Variants in SEZ6L observed in about 807,000 individuals in gnomAD.
SEZ6L encodes the protein seizure related 6 homolog like, also known as seizure 6-like protein.
A neutral mutation model predicts 106.2 loss-of-function variants in SEZ6L; 37 were observed. The observed-to-expected ratio is 0.35, with a 90% CI of 0.27 to 0.46. SEZ6L has a LOEUF of 0.46. Among genes scored for constraint, SEZ6L ranks in the 20% least tolerant of loss-of-function variants. SEZ6L has a pLI of 1.00. For synonymous variants in SEZ6L, 541 were observed against 570.4 expected (o/e 0.95, Z 0.73); for missense variants, 1,172 against 1,332.8 (o/e 0.88, Z 1.88).
intron 9 of SEZ6L, among the ~76,000 whole-genome samples, chr22:26,320,678 T>C (rs1169228601): frequency 6.6e-6 from 1 of 152,148 alleles, no homozygotes; most frequent in African/African-American, 2.4e-5. Context: ...AATACAGCAC[T>C]CTGGGGGCCC....
intron 9 of SEZ6L, among the ~76,000 whole-genome samples, chr22:26,317,138 A>G (rs2082028862): frequency 6.6e-6 from 1 of 152,140 alleles, no homozygotes; most frequent in Admixed American, 6.5e-5. Context: ...GAGGGAATGG[A>G]TCAAAGGGAA....
chr22:26,297,553 A>C (rs1031727584), intron 4 of SEZ6L, among the ~76,000 whole-genome samples: 1 of 152,204 alleles, frequency 6.6e-6, no homozygotes, highest in East Asian at 1.9e-4. Context: ...GCTTTCCTTC[A>C]TTCAAGTTCA....
At chr22:26,273,918 T>A (rs2033132070) in intron 1 of SEZ6L, among the ~76,000 whole-genome samples, 1 of 152,154 alleles carries the variant, frequency 6.6e-6, no homozygotes, top group African/African-American at 2.4e-5. Flanking sequence ...TCAGCAGGTG[T>A]AGACCTGGCG....
At chr22:26,301,663 A>G (rs1389862402) in intron 5 of SEZ6L, among the ~76,000 whole-genome samples, 1 of 152,082 alleles carries the variant, frequency 6.6e-6, no homozygotes, top group African/African-American at 2.4e-5. Flanking sequence ...GCGAAGGGTC[A>G]GGGAAGGATT....
chr22:26,340,776 C>A, intron 10 of SEZ6L, 144 bp downstream of exon 10: 1 of 705,766 alleles, frequency 1.4e-6, no homozygotes, highest in Non-Finnish European at 2.2e-6. Flanking sequence ...TTTTTAAAAG[C>A]CTGGGCTCTC....
chr22:26,359,865 A>G (rs1042741099), intron 12 of SEZ6L, among the ~76,000 whole-genome samples: 3 of 152,184 alleles, frequency 2.0e-5, no homozygotes, highest in African/African-American at 7.2e-5. Flanking sequence ...GGTTGTTGTG[A>G]TAACTAAATG....
At chr22:26,256,005 A>G (rs752313523) in intron 1 of SEZ6L, among the ~76,000 whole-genome samples, 3 of 152,210 alleles carry the variant, frequency 2.0e-5, no homozygotes, top group Non-Finnish European at 4.4e-5. Context: ...GCTGAAGTTC[A>G]AAGGAAGATT....
At chr22:26,358,974 A>G (rs2083526642) in intron 12 of SEZ6L, among the ~76,000 whole-genome samples, 1 of 152,176 alleles carries the variant, frequency 6.6e-6, no homozygotes, top group African/African-American at 2.4e-5. Flanking sequence ...ATCTTATTTC[A>G]AAGTGTGACT....
chr22:26,172,688 C>T (rs1252132125), intron 1 of SEZ6L, among the ~76,000 whole-genome samples: 2 of 152,230 alleles, frequency 1.3e-5, no homozygotes, highest in Non-Finnish European at 2.9e-5. Flanking sequence ...TGGAGCTCCT[C>T]TCAGCCTGGA....
intron 13 of SEZ6L, 91 bp downstream of exon 13, chr22:26,365,657 T>G: frequency 7.9e-7 from 1 of 1,262,018 alleles, no homozygotes; most frequent in Non-Finnish European, 1.1e-6. Flanking sequence ...TCTAAAAAAT[T>G]GGACTAGGAG....
At chr22:26,250,340 A>T (rs1044672649) in intron 1 of SEZ6L, among the ~76,000 whole-genome samples, 3 of 152,148 alleles carry the variant, frequency 2.0e-5, no homozygotes, top group Non-Finnish European at 4.4e-5. Context: ...TGATTTTTGT[A>T]TATGATAAGA....
chr22:26,198,861 C>A (rs1201869945), intron 1 of SEZ6L, among the ~76,000 whole-genome samples: 3 of 152,268 alleles, frequency 2.0e-5, no homozygotes, highest in African/African-American at 7.2e-5. Context: ...ACAAAATCTT[C>A]ACATTAGCTG....
intron 9 of SEZ6L, among the ~76,000 whole-genome samples, chr22:26,339,186 T>A (rs2082745506): frequency 6.6e-6 from 1 of 152,026 alleles, no homozygotes; most frequent in Non-Finnish European, 1.5e-5. Flanking sequence ...TCTAAATAGA[T>A]CACTACTCTG....
intron 13 of SEZ6L, 135 bp from the exon 14 acceptor site, chr22:26,373,316 C>G: frequency 1.4e-6 from 1 of 706,910 alleles, no homozygotes; most frequent in Non-Finnish European, 2.4e-6. Context: ...TATAGTGGCC[C>G]AAGATAAGTA....
chr22:26,310,092 A>T (rs1203996630), intron 6 of SEZ6L, among the ~76,000 whole-genome samples: 2 of 152,246 alleles, frequency 1.3e-5, no homozygotes, highest in East Asian at 3.8e-4. Context: ...ACATCAATTC[A>T]TTAGTTCGTC....
chr22:26,289,757 C>G (rs532987982), intron 1 of SEZ6L, among the ~76,000 whole-genome samples: 1 of 152,310 alleles, frequency 6.6e-6, no homozygotes, highest in Admixed American at 6.5e-5. Context: ...AGTAAATGAG[C>G]CTCTCCAACG....
chr22:26,273,011 C>A (rs1319303046), intron 1 of SEZ6L, among the ~76,000 whole-genome samples: 1 of 152,206 alleles, frequency 6.6e-6, no homozygotes, highest in Non-Finnish European at 1.5e-5. Flanking sequence ...ACACTTAGCA[C>A]ATTGTAAGGC....
intron 1 of SEZ6L, among the ~76,000 whole-genome samples, chr22:26,236,402 G>A (rs1161458252): frequency 6.6e-6 from 1 of 152,142 alleles, no homozygotes; most frequent in Non-Finnish European, 1.5e-5. Flanking sequence ...ATTGCCAGCG[G>A]CTCTCCAAAA....
chr22:26,209,641 T>G (rs2078088688), intron 1 of SEZ6L, among the ~76,000 whole-genome samples: 2 of 126,954 alleles, frequency 1.6e-5, no homozygotes, highest in African/African-American at 3.1e-5. Context: ...AGAAGTAAGG[T>G]AGGAAGAAAA....
Sources: gnomAD v4.1 joint callset for allele counts (sites outside exome capture counted in the v4.1 genomes callset) on GRCh38, gnomAD v4.1.1 for gene constraint, MANE v1.5 for transcripts, NCBI Gene and HGNC (gene_info 2026-07-23, HGNC 2026-07-21) for gene names.